The following ZMAT3 variants were observed in gnomAD, a reference collection of about 807,000 sequenced individuals.
ZMAT3 encodes zinc finger matrin-type protein 3.
Under a neutral mutation model 32.3 loss-of-function variants are expected in ZMAT3, and 17 were observed. That is an observed-to-expected ratio of 0.53 (90% CI 0.36 to 0.79). The LOEUF (loss-of-function observed/expected upper bound fraction) is 0.79, where lower values mean the gene tolerates loss of function less well. Among genes scored for constraint, ZMAT3 ranks in the 30% least tolerant of loss-of-function variants. The pLI is 0.00. For missense variants in ZMAT3, 329 were observed against 359.7 expected (o/e 0.91, Z 0.69); for synonymous variants, 120 against 133.1 (o/e 0.90, Z 0.68).
rs1553798348 is a variant in ZMAT3, at chr3:179,023,710, A to ATATATATATATATATATAATT, written c.*1306_*1307insAATTATATATATATATATATA. 1 of 25,072 alleles carries ATATATATATATATATATAATT rather than the reference A, an allele frequency of 4.0e-5. No individual in the cohort carries two copies. The allele number at this position is 25,072 out of a possible 1,614,324, so 1.6% of individuals were successfully genotyped here. A position where few individuals can be genotyped will look rare whatever the true frequency, so the allele number is the denominator to read the frequency against. On this transcript the variant is annotated 3_prime_UTR_variant, in exon 6 of 6. Coordinates refer to ENST00000311417, the MANE Select transcript of ZMAT3 (RefSeq NM_022470.4). ...GGAAAATATATCTATATATATATAT[A>ATATATATATATATATATAATT]TTTTTTTTTTTTTTTTTTTTTTTTT...
chr3:179,043,962 C>T (rs1720088139), intron 2 of ZMAT3, among the ~76,000 whole-genome samples: 1 of 152,192 alleles, frequency 6.6e-6, no homozygotes, highest in East Asian at 1.9e-4. Flanking sequence ...ATGCAGCCAA[C>T]AGATACATGG....
Position 179,021,964 on chromosome 3 carries a change from T to C in ZMAT3, c.*3053A>G, listed in dbSNP as rs1278044964. Reference sequence around the variant, plus strand: ...TGCATGTAACTTTTACAAGTGATCATGGAAGTTATTTATCAACTTCCCAGA... The same window carrying C: ...TGCATGTAACTTTTACAAGTGATCACGGAAGTTATTTATCAACTTCCCAGA... On this transcript the variant is annotated 3_prime_UTR_variant, in exon 6 of 6. Transcript: ENST00000311417. The C allele has an allele frequency of 6.6e-6, 1 of 152,222 alleles. No individual in the cohort carries two copies. The highest frequency in any genetic ancestry group is 2.4e-5 in the African/African-American group (1 of 41,458). 9.4% of individuals were successfully genotyped at this position (152,222 alleles called of 1,614,324 possible).
At chr3:179,034,260 C>T (rs907703980) in intron 2 of ZMAT3, among the ~76,000 whole-genome samples, 7 of 152,100 alleles carry the variant, frequency 4.6e-5, no homozygotes, top group Non-Finnish European at 1.0e-4. Flanking sequence ...GAACTAAGAT[C>T]CATCTTCTCC....
At chr3:179,056,394 G>A (rs1422722465) in intron 2 of ZMAT3, among the ~76,000 whole-genome samples, 5 of 152,054 alleles carry the variant, frequency 3.3e-5, no homozygotes, top group African/African-American at 2.4e-5. Context: ...TCTGCAAAAG[G>A]GAAAAGCTGG....
intron 2 of ZMAT3, among the ~76,000 whole-genome samples, chr3:179,065,919 T>C (rs1721393228): frequency 6.6e-6 from 1 of 152,006 alleles, no homozygotes. Context: ...AAAAAATAAA[T>C]AAATAAAGAT....
At chr3:179,031,540 A>G (rs1057141224) in intron 2 of ZMAT3, among the ~76,000 whole-genome samples, 3 of 152,234 alleles carry the variant, frequency 2.0e-5, no homozygotes, top group Non-Finnish European at 4.4e-5. Context: ...TGGCTCTAAC[A>G]GAACAATTAA....
At chr3:179,029,796 A>C (rs1719081094) in intron 3 of ZMAT3, among the ~76,000 whole-genome samples, 1 of 152,238 alleles carries the variant, frequency 6.6e-6, no homozygotes, top group Non-Finnish European at 1.5e-5. Context: ...CACTATTTTA[A>C]ATCAATTTTA....
intron 2 of ZMAT3, among the ~76,000 whole-genome samples, chr3:179,042,238 C>G (rs1719978222): frequency 6.6e-6 from 1 of 152,160 alleles, no homozygotes. Context: ...CCAACATCAT[C>G]CCGACACCAA....
chr3:179,048,288 T>C (rs1323627135), intron 2 of ZMAT3, among the ~76,000 whole-genome samples: 6 of 152,130 alleles, frequency 3.9e-5, no homozygotes, highest in Middle Eastern at 3.2e-3. Flanking sequence ...GATCTAGACA[T>C]CCGAATACAA....
At chr3:179,067,002 G>C (rs1333294772) in intron 2 of ZMAT3, among the ~76,000 whole-genome samples, 1 of 152,188 alleles carries the variant, frequency 6.6e-6, no homozygotes, top group Non-Finnish European at 1.5e-5. Context: ...ATAAGAGTTA[G>C]AAGTCAAAAA....
At chr3:179,038,100 G>C (rs1454420287) in intron 2 of ZMAT3, among the ~76,000 whole-genome samples, 1 of 152,210 alleles carries the variant, frequency 6.6e-6, no homozygotes, top group Non-Finnish European at 1.5e-5. Flanking sequence ...AAAAGCTGAA[G>C]CATGAGATGG....
At chr3:179,047,384 G>A (rs958637532) in intron 2 of ZMAT3, among the ~76,000 whole-genome samples, 3 of 152,182 alleles carry the variant, frequency 2.0e-5, no homozygotes, top group African/African-American at 7.2e-5. Flanking sequence ...TCTTCCCTCT[G>A]ACATAGTCTA....
rs190989171 is a variant in ZMAT3, at chr3:179,054,150, A to C, written c.270+13333T>G. On this transcript the variant is annotated intron_variant, in intron 2 of 5. Coordinates refer to ENST00000311417, the MANE Select transcript of ZMAT3 (RefSeq NM_022470.4). ...ATAAAAATAAAACTCGGCCAATGCCACAATTGTCCAATGCAGAGCTGGGAC... is the reference window on the plus strand; with the variant it reads ...ATAAAAATAAAACTCGGCCAATGCCCCAATTGTCCAATGCAGAGCTGGGAC... Among the ~76,000 whole-genome samples the C allele has an allele frequency of 3.9e-3, 590 of 152,370 alleles. 7 individuals carry two copies. Among genetic ancestry groups the C allele is most frequent in the Admixed American group, 0.027 (420 of 15,304 alleles).
At chr3:179,042,511 A>G (rs1435921911) in intron 2 of ZMAT3, among the ~76,000 whole-genome samples, 2 of 152,350 alleles carry the variant, frequency 1.3e-5, no homozygotes, top group Middle Eastern at 3.4e-3. Flanking sequence ...AAGGCCTTTG[A>G]CAAAACTCAA....
At chr3:179,056,332 G>T (rs959540796) in intron 2 of ZMAT3, among the ~76,000 whole-genome samples, 1 of 126,402 alleles carries the variant, frequency 7.9e-6, no homozygotes, top group African/African-American at 2.7e-5. Flanking sequence ...AAAAAAAAAA[G>T]GGGGGGTCCA....
intron 5 of ZMAT3, among the ~76,000 whole-genome samples, chr3:179,025,848 T>C (rs1043544923): frequency 1.3e-5 from 2 of 152,216 alleles, no homozygotes; most frequent in African/African-American, 4.8e-5. Flanking sequence ...GTCATACATA[T>C]GAAGAGACTA....
chr3:179,042,272 A>C (rs941375587), intron 2 of ZMAT3, among the ~76,000 whole-genome samples: 3 of 152,152 alleles, frequency 2.0e-5, no homozygotes, highest in Admixed American at 1.3e-4. Context: ...TACAACAAAA[A>C]CCAGAGAACT....
chr3:179,024,903 G>A lies in ZMAT3; in HGVS notation c.*114C>T, dbSNP rs898116010. 9 of 947,740 alleles carry A rather than the reference G, an allele frequency of 9.5e-6. No homozygotes were observed. Among genetic ancestry groups the A allele is most frequent in the African/African-American group, 6.6e-5 (4 of 60,554 alleles). The allele number at this position is 947,740 out of a possible 1,614,324, so 58.7% of individuals were successfully genotyped here. On this transcript the variant is annotated 3_prime_UTR_variant, in exon 6 of 6. Transcript: ENST00000311417. ...CTCATGGTACCACTGTGGGTTACAT[G>A]TATTAACATTAAGCAGAGGAATGTA...
chr3:179,042,609 C>A (rs905512958), intron 2 of ZMAT3, among the ~76,000 whole-genome samples: 1 of 152,176 alleles, frequency 6.6e-6, no homozygotes, highest in Non-Finnish European at 1.5e-5. Context: ...AAACCCACAG[C>A]CAATATCACA....
Sources: allele counts gnomAD v4.1 joint callset (sites outside exome capture counted in the v4.1 genomes callset), GRCh38; gene constraint gnomAD v4.1.1; transcripts MANE v1.5; gene names NCBI Gene and HGNC (gene_info 2026-07-23, HGNC 2026-07-21).